The following MUSK variants were observed in gnomAD, a reference collection of about 807,000 sequenced individuals.
MUSK encodes muscle associated receptor tyrosine kinase, also known as muscle, skeletal receptor tyrosine-protein kinase.
Under a neutral mutation model 88.7 loss-of-function variants are expected in MUSK, and 55 were observed. The observed-to-expected ratio is 0.62, with a 90% CI of 0.50 to 0.78. The LOEUF is 0.78. Ranked by LOEUF, MUSK falls within the 30% of genes least tolerant of loss-of-function variation. The pLI, the probability that MUSK is intolerant of heterozygous loss-of-function variation, is 0.00. For missense variants in MUSK, 1,015 were observed against 1,074.3 expected, an observed-to-expected ratio of 0.94 and a Z score of 0.77; for synonymous variants, 387 against 391.9, an observed-to-expected ratio of 0.99 and a Z score of 0.15.
At chr9:110,796,944 T>C (rs2078003004) in intron 14 of MUSK, among the ~76,000 whole-genome samples, 1 of 30,116 alleles carries the variant, frequency 3.3e-5, no homozygotes, top group Non-Finnish European at 6.5e-5. Flanking sequence ...GGAAGGGGAA[T>C]ATCACACTCT....
intron 7 of MUSK, among the ~76,000 whole-genome samples, chr9:110,751,150 G>T (rs1233915368): frequency 6.6e-6 from 1 of 152,170 alleles, no homozygotes; most frequent in Non-Finnish European, 1.5e-5. Flanking sequence ...TCTTTAAGAT[G>T]CCGAGAGGAC....
Position 110,681,050 on chromosome 9 carries a change from T to TATAA in MUSK, c.80-1624_80-1623insATAA, listed in dbSNP as rs1335114069. ...TATATTATATATTATATAATATATA[T>TATAA]TATATATTATATATATAATATTATA... On this transcript the variant is annotated intron_variant, in intron 1 of 14. Transcript: ENST00000374448. 2.7e-3 allele frequency among the ~76,000 whole-genome samples: 58 copies of TATAA among 21,680 alleles called. 4 individuals are homozygous for TATAA. The highest frequency in any genetic ancestry group is 0.013 in the African/African-American group (53 of 4,206). The allele number at this position is 21,680 out of a possible 152,430, so 14.2% of individuals were successfully genotyped here.
At chr9:110,716,261 A>G (rs1482640721) in intron 5 of MUSK, among the ~76,000 whole-genome samples, 1 of 150,170 alleles carries the variant, frequency 6.7e-6, no homozygotes, top group Non-Finnish European at 1.5e-5. Context: ...TACTTTTTTA[A>G]AAGGCAAAAA....
chr9:110,686,791 C>T (rs1412978506), intron 2 of MUSK, among the ~76,000 whole-genome samples: 2 of 152,084 alleles, frequency 1.3e-5, no homozygotes, highest in African/African-American at 4.8e-5. Context: ...CTTCCCAGAA[C>T]TTATTGGGAG....
intron 9 of MUSK, among the ~76,000 whole-genome samples, chr9:110,773,156 G>C (rs1002016207): frequency 1.3e-5 from 2 of 151,770 alleles, no homozygotes; most frequent in African/African-American, 4.8e-5. Context: ...TGAGCATTTG[G>C]GATATATTAA....
At chr9:110,711,786 C>T (rs183527748) in intron 5 of MUSK, among the ~76,000 whole-genome samples, 29 of 152,246 alleles carry the variant, frequency 1.9e-4, no homozygotes, top group African/African-American at 6.5e-4. Flanking sequence ...CGTCAAGAAT[C>T]TTTGAGATTC....
chr9:110,748,793 A>T (rs577159111), intron 7 of MUSK, among the ~76,000 whole-genome samples: 8 of 152,176 alleles, frequency 5.3e-5, no homozygotes, highest in Non-Finnish European at 1.2e-4. Context: ...AGGTGAATAA[A>T]AACCACAGAT....
intron 5 of MUSK, chr9:110,706,320 C>T (rs4623510): frequency 0.14 from 42,057 of 290,346 alleles, 3,936 homozygotes; most frequent in Non-Finnish European, 0.18. Context: ...CTTTTTCCCT[C>T]AAAACCTTTT....
Position 110,682,738 on chromosome 9 carries a change from GTGT to G in MUSK, c.145_147del (p.Cys49del). 1 of 1,612,906 alleles carries G rather than the reference GTGT, an allele frequency of 6.2e-7. No individual in the cohort carries two copies. Among genetic ancestry groups the G allele is most frequent in the Non-Finnish European group, 8.5e-7 (1 of 1,179,052 alleles). On this transcript the variant is annotated inframe_deletion, in exon 2 of 15. Transcript: ENST00000374448. Reference sequence around the variant, plus strand: ...TAGTTGAAGAAGTGGCTACTTTCATGTGTGCAGTGGAATCCTACCCCCAGCCTG... The same window carrying G: ...TAGTTGAAGAAGTGGCTACTTTCATGGCAGTGGAATCCTACCCCCAGCCTG...
At chr9:110,697,721 A>C (rs1258920592) in intron 5 of MUSK, among the ~76,000 whole-genome samples, 3 of 152,224 alleles carry the variant, frequency 2.0e-5, no homozygotes, top group Admixed American at 6.5e-5. Context: ...AAACAGACTA[A>C]ATTTACTGTA....
intron 11 of MUSK, among the ~76,000 whole-genome samples, chr9:110,778,308 C>T (rs1003702531): frequency 1.6e-4 from 24 of 152,128 alleles, no homozygotes; most frequent in African/African-American, 2.2e-4. Flanking sequence ...GCAAGGATTA[C>T]ACTATTCCTC....
Position 110,804,795 on chromosome 9 carries a change from C to T in MUSK, c.*3807C>T, listed in dbSNP as rs963488105. ...ATAGACAATAATAAAAATGAAAAAA[C>T]ACCAACCAGAGGTAATTAACATTAA... On this transcript the variant is annotated 3_prime_UTR_variant, in exon 15 of 15. Coordinates refer to ENST00000374448, the MANE Select transcript of MUSK (RefSeq NM_005592.4). 6.6e-6 allele frequency among the ~76,000 whole-genome samples: 1 copy of T among 151,534 alleles called. No individual in the cohort carries two copies. Among genetic ancestry groups the T allele is most frequent in the Non-Finnish European group, 1.5e-5 (1 of 67,750 alleles).
At chr9:110,756,378 T>G (rs141894022) in intron 7 of MUSK, among the ~76,000 whole-genome samples, 356 of 152,158 alleles carry the variant, frequency 2.3e-3, no homozygotes, top group African/African-American at 7.6e-3. Context: ...GGGTTCTTTG[T>G]CTGGTGTCCA....
At chr9:110,744,777 A>G (rs1444974932) in intron 6 of MUSK, among the ~76,000 whole-genome samples, 1 of 152,186 alleles carries the variant, frequency 6.6e-6, no homozygotes, top group African/African-American at 2.4e-5. Context: ...CCTCAGGTCC[A>G]TATACCTGAG....
intron 11 of MUSK, among the ~76,000 whole-genome samples, chr9:110,777,693 G>T (rs2077692437): frequency 6.6e-6 from 1 of 152,018 alleles, no homozygotes; most frequent in Non-Finnish European, 1.5e-5. Context: ...TTCATTGAGG[G>T]TTTGCTGTGT....
At chr9:110,762,516 T>C (rs2077417011) in intron 8 of MUSK, among the ~76,000 whole-genome samples, 1 of 152,068 alleles carries the variant, frequency 6.6e-6, no homozygotes, top group Non-Finnish European at 1.5e-5. Context: ...TTTAAATCTA[T>C]CTTCAAGACA....
intron 11 of MUSK, among the ~76,000 whole-genome samples, chr9:110,780,859 G>A (rs568226568): frequency 1.3e-5 from 2 of 152,136 alleles, no homozygotes; most frequent in African/African-American, 4.8e-5. Context: ...TCCATGATAG[G>A]GCTTCATGTT....
chr9:110,755,967 T>TATATATAC (rs1564268901), intron 7 of MUSK, among the ~76,000 whole-genome samples: 978 of 58,532 alleles, frequency 0.017, 59 homozygotes, highest in South Asian at 0.029. Context: ...TATATATACA[T>TATATATAC]ATATATATAT....
At chr9:110,743,749 A>C (rs2077133193) in intron 6 of MUSK, among the ~76,000 whole-genome samples, 1 of 152,188 alleles carries the variant, frequency 6.6e-6, no homozygotes, top group Non-Finnish European at 1.5e-5. Context: ...AAGTCCTTTT[A>C]TCTTACTAGC....
Sources: allele counts gnomAD v4.1 joint callset (sites outside exome capture counted in the v4.1 genomes callset), GRCh38; gene constraint gnomAD v4.1.1; transcripts MANE v1.5; gene names NCBI Gene and HGNC (gene_info 2026-07-23, HGNC 2026-07-21).